Variants in SLIT2 observed in about 807,000 individuals in gnomAD.
SLIT2 encodes the protein slit guidance ligand 2.
SLIT2 carries 41 observed loss-of-function variants against 185.7 expected under a neutral mutation model. The ratio of observed to expected loss-of-function variants is 0.22; its 90% confidence interval spans 0.17 to 0.29. SLIT2 has a LOEUF of 0.29. SLIT2 is among the 10% of genes least tolerant of loss of function. The pLI is 1.00. For synonymous variants in SLIT2, 693 were observed against 680.2 expected, an observed-to-expected ratio of 1.02 and a Z score of -0.29; for missense variants, 1,571 against 1,909.0, an observed-to-expected ratio of 0.82 and a Z score of 3.30.
At chr4:20,311,007 TC>T (rs1182626913) in intron 4 of SLIT2, among the ~76,000 whole-genome samples, 3 of 152,196 alleles carry the variant, frequency 2.0e-5, no homozygotes, top group African/African-American at 7.2e-5. Context: ...GCCTCAGCCT[TC>T]CTAGTAGCTG....
Position 20,617,422 on chromosome 4 carries a change from G to C in SLIT2, c.4137-17G>C. 3 of 1,608,994 alleles carry C rather than the reference G, an allele frequency of 1.9e-6. No individual in the cohort carries two copies. The highest frequency in any genetic ancestry group is 2.6e-6 in the Non-Finnish European group (3 of 1,175,602). On this transcript the variant is annotated splice_polypyrimidine_tract_variant and intron_variant, in intron 35 of 36. Coordinates refer to ENST00000504154, the MANE Select transcript of SLIT2 (RefSeq NM_004787.4). ...CTTCTGAATGCATTCCCACTCCTGTGTTCCTCCTCCCTGTAGATGCGTACA... is the reference window on the plus strand; with the variant it reads ...CTTCTGAATGCATTCCCACTCCTGTCTTCCTCCTCCCTGTAGATGCGTACA...
intron 30 of SLIT2, 149 bp from the exon 31 acceptor site, chr4:20,595,548 G>A (rs940957279): frequency 1.5e-5 from 14 of 914,220 alleles, no homozygotes; most frequent in Non-Finnish European, 2.0e-5. Flanking sequence ...AGAACAGTTC[G>A]ATTTTCTAGG....
At chr4:20,588,629 G>T (rs1030677951) in intron 29 of SLIT2, among the ~76,000 whole-genome samples, 7 of 152,166 alleles carry the variant, frequency 4.6e-5, no homozygotes, top group Non-Finnish European at 1.0e-4. Flanking sequence ...TATATATTAT[G>T]TATATGAATA....
chr4:20,472,246 CTATATATA>C (rs1715143521), intron 5 of SLIT2, among the ~76,000 whole-genome samples: 2 of 39,664 alleles, frequency 5.0e-5, no homozygotes, highest in Non-Finnish European at 9.1e-5. Context: ...ATCTATATAT[CTATATATA>C]GATCTATATA....
chr4:20,458,067 C>T (rs1010752951), intron 4 of SLIT2, among the ~76,000 whole-genome samples: 1 of 147,306 alleles, frequency 6.8e-6, no homozygotes, highest in African/African-American at 2.6e-5. Context: ...CTGTTCCAGA[C>T]CTGTCCCAGT....
intron 17 of SLIT2, 116 bp downstream of exon 17, chr4:20,532,174 T>G (rs1721872258): frequency 4.9e-6 from 3 of 612,542 alleles, no homozygotes; most frequent in Non-Finnish European, 8.5e-6. Context: ...TTCCCTATGA[T>G]GATGACCTGT....
intron 25 of SLIT2, 32 bp downstream of exon 25, chr4:20,550,930 G>T (rs1489510944): frequency 3.3e-6 from 4 of 1,224,696 alleles, no homozygotes; most frequent in Admixed American, 3.6e-5. Flanking sequence ...ATAGGTTTAG[G>T]GTCAAACACT....
chr4:20,597,682 T>C (rs553698608), intron 32 of SLIT2, among the ~76,000 whole-genome samples: 15 of 152,304 alleles, frequency 9.8e-5, no homozygotes, highest in African/African-American at 3.1e-4. Flanking sequence ...GGGGATCCTT[T>C]TGAAGTCAGG....
chr4:20,350,026 C>T (rs1394539030), intron 4 of SLIT2, among the ~76,000 whole-genome samples: 1 of 152,144 alleles, frequency 6.6e-6, no homozygotes, highest in Non-Finnish European at 1.5e-5. Flanking sequence ...TTCACATTTA[C>T]AGTAGACTGC....
chr4:20,427,434 A>AT (rs1400693111), intron 4 of SLIT2, among the ~76,000 whole-genome samples: 1 of 152,248 alleles, frequency 6.6e-6, no homozygotes, highest in Non-Finnish European at 1.5e-5. Context: ...CATCCACAGA[A>AT]TCAAAGATAT....
intron 26 of SLIT2, among the ~76,000 whole-genome samples, chr4:20,562,244 C>T (rs1031994853): frequency 6.6e-6 from 1 of 151,716 alleles, no homozygotes; most frequent in Admixed American, 6.6e-5. Flanking sequence ...TTTACATCTT[C>T]GACATTGGTG....
At chr4:20,566,211 T>G (rs183774220) in intron 26 of SLIT2, among the ~76,000 whole-genome samples, 7 of 152,040 alleles carry the variant, frequency 4.6e-5, no homozygotes, top group Admixed American at 3.3e-4. Flanking sequence ...TGATAAAATG[T>G]TCAATTAGAA....
At chr4:20,472,086 T>G (rs1715100581) in intron 5 of SLIT2, among the ~76,000 whole-genome samples, 1 of 150,356 alleles carries the variant, frequency 6.7e-6, no homozygotes, top group Non-Finnish European at 1.5e-5. Flanking sequence ...TACATTTCTG[T>G]AGGATTTACA....
rs376898689 is a variant in SLIT2, at chr4:20,296,913, CCTTT to C, written c.395+28036_395+28039del. 1.9e-3 allele frequency among the ~76,000 whole-genome samples: 287 copies of C among 152,262 alleles called. 1 individual carries two copies. Among genetic ancestry groups the C allele is most frequent in the African/African-American group, 5.6e-3 (232 of 41,568 alleles). On this transcript the variant is annotated intron_variant, in intron 4 of 36. Transcript: ENST00000504154. ...CTTACTAGTGCCAGTGTGAAATTGC[CCTTT>C]CTTCTCTGCTAATGCAAAGGCTGAC...
At chr4:20,521,727 T>TG (rs1720856700) in intron 12 of SLIT2, among the ~76,000 whole-genome samples, 1 of 152,092 alleles carries the variant, frequency 6.6e-6, no homozygotes. Flanking sequence ...CAGCTCCTGA[T>TG]GGGGAATCAA....
intron 25 of SLIT2, chr4:20,552,358 G>T: frequency 7.6e-6 from 1 of 130,976 alleles, no homozygotes; most frequent in Non-Finnish European, 1.6e-5. Context: ...GCTCTGCCTT[G>T]CATTTCTTTT....
At chr4:20,434,696 C>A (rs1264414076) in intron 4 of SLIT2, among the ~76,000 whole-genome samples, 1 of 151,968 alleles carries the variant, frequency 6.6e-6, no homozygotes, top group Non-Finnish European at 1.5e-5. Flanking sequence ...TAAGTGGAAA[C>A]GTAGGTAGAT....
chr4:20,511,598 T>TTTTTTTTTTTTTTTTA (rs1194687099), intron 11 of SLIT2, among the ~76,000 whole-genome samples: 22 of 141,752 alleles, frequency 1.6e-4, no homozygotes, highest in African/African-American at 4.2e-4. Context: ...TTTTTTTTTT[T>TTTTTTTTTTTTTTTTA]TTTTTATTTT....
At chr4:20,589,073 A>T (rs1727295382) in intron 29 of SLIT2, among the ~76,000 whole-genome samples, 1 of 152,194 alleles carries the variant, frequency 6.6e-6, no homozygotes, top group African/African-American at 2.4e-5. Flanking sequence ...AAAACTATAG[A>T]ATAAGCCAGG....
Sources: gnomAD v4.1 joint callset for allele counts (sites outside exome capture counted in the v4.1 genomes callset) on GRCh38, gnomAD v4.1.1 for gene constraint, MANE v1.5 for transcripts, NCBI Gene and HGNC (gene_info 2026-07-23, HGNC 2026-07-21) for gene names.